MYH9: variants seen among roughly 807,000 people sequenced by gnomAD.
The protein encoded by MYH9 is myosin heavy chain 9.
In MYH9, 29 loss-of-function variants were observed where a neutral mutation model predicts 241.9. That is an observed-to-expected ratio of 0.12 (90% CI 0.09 to 0.16). The LOEUF (loss-of-function observed/expected upper bound fraction) is 0.16. Among genes scored for constraint, MYH9 ranks in the 10% least tolerant of loss-of-function variants. The pLI, the probability that MYH9 is intolerant of heterozygous loss-of-function variation, is 1.00. For synonymous variants in MYH9, 1,047 were observed against 1,062.6 expected (o/e 0.99, Z 0.29); for missense variants, 1,803 against 2,595.5 (o/e 0.69, Z 6.63).
At chr22:36,385,621 T>C (rs80098879) in intron 1 of MYH9, among the ~76,000 whole-genome samples, 8,135 of 152,106 alleles carry the variant, frequency 0.053, 233 homozygotes, top group East Asian at 0.1. Flanking sequence ...CTCCTGAACC[T>C]TTCAGATGAA....
chr22:36,331,586 G>C (rs1603483673), intron 3 of MYH9, among the ~76,000 whole-genome samples: 1 of 152,216 alleles, frequency 6.6e-6, no homozygotes, highest in East Asian at 1.9e-4. Flanking sequence ...TCCTCTGTGA[G>C]AGGAGCTGCA....
intron 32 of MYH9, 46 bp downstream of exon 32, chr22:36,289,039 C>G: frequency 6.2e-7 from 1 of 1,613,436 alleles, no homozygotes; most frequent in Non-Finnish European, 8.5e-7. Flanking sequence ...TGTGATGACC[C>G]CACTCGGGCC....
At chr22:36,319,772 GC>G in intron 9 of MYH9, 137 bp from the exon 10 acceptor site, 1 of 874,326 alleles carries the variant, frequency 1.1e-6, no homozygotes, top group Admixed American at 2.0e-5. Context: ...GGCCACAGGG[GC>G]GCCAGGTCTG....
rs1012215155 is a variant in MYH9 at position 36,304,233 on chromosome 22, G to A, written c.2230-78C>T. The A allele has an allele frequency of 8.8e-6, 13 of 1,470,218 alleles. No individual in the cohort carries two copies. The African/African-American group carries it at 1.4e-4, about 16-fold the overall frequency. 91.1% of individuals were successfully genotyped at this position (1,470,218 alleles called of 1,614,324 possible). Reference sequence around the variant, plus strand: ...TGAAAGGGTGGCCCAGGCACAGCTGGAGGTGTGCCCTTCACCCTTCTTCTC... The same window carrying A: ...TGAAAGGGTGGCCCAGGCACAGCTGAAGGTGTGCCCTTCACCCTTCTTCTC... On this transcript the variant is annotated intron_variant, in intron 18 of 40. Transcript: ENST00000216181.
rs2016966500 is a variant in MYH9, at chr22:36,306,166, C to G, written c.2038-115G>C. 6.5e-7 allele frequency: 1 copy of G among 1,535,392 alleles called. No homozygotes were observed. Among genetic ancestry groups the G allele is most frequent in the Non-Finnish European group, 8.9e-7 (1 of 1,124,172 alleles). On this transcript the variant is annotated intron_variant, in intron 16 of 40. Transcript: ENST00000216181. The surrounding 1 kb of genome is among the most constrained non-coding windows in gnomAD (Gnocchi z 4.1). ...AAGAGCCTAAGGGAGGGGGTCGCTA[C>G]AGCCCACAGGTTTGGACAATGAAGT...
chr22:36,340,910 G>A (rs541319030), intron 3 of MYH9, among the ~76,000 whole-genome samples: 1 of 152,144 alleles, frequency 6.6e-6, no homozygotes, highest in Non-Finnish European at 1.5e-5. Context: ...AACAGAAGGG[G>A]CACAGAAGCC....
chr22:36,316,607 C>G lies in MYH9; in HGVS notation c.1290G>C (p.Val430=), dbSNP rs1205205702. Reference sequence around the variant, plus strand: ...TGTCCAGAGCCTTGTTGATGCGCAGCACCAGCCAGCGGAACATCCGCTCAT... The same window carrying G: ...TGTCCAGAGCCTTGTTGATGCGCAGGACCAGCCAGCGGAACATCCGCTCAT... The part of the protein sequence containing the change: ...ATYERMFRWL[V]LRINKALDKT... Residue 430 remains valine (V), a synonymous_variant, in exon 12 of 41, where the codon GTG becomes GTC. Coordinates refer to ENST00000216181, the MANE Select transcript of MYH9 (RefSeq NM_002473.6). 5 of 1,614,082 alleles carry G rather than the reference C, an allele frequency of 3.1e-6. No individual in the cohort carries two copies. Among genetic ancestry groups the G allele is most frequent in the Non-Finnish European group, 4.2e-6 (5 of 1,180,030 alleles).
chr22:36,295,052 G>T lies in MYH9; in HGVS notation c.3510C>A (p.Asn1170Lys). 1 of 1,614,204 alleles carries T rather than the reference G, an allele frequency of 6.2e-7. No individual in the cohort carries two copies. The highest frequency in any genetic ancestry group is 8.5e-7 in the Non-Finnish European group (1 of 1,180,042). ...CCTCCTCCAGGGTCTTCTTCAGGAT[G>T]TTCACCTCCTGCTCACGTTTTGACC... ...ELRSKREQEVNILKKTLEEEA... is the reference protein window; with the variant it reads ...ELRSKREQEVKILKKTLEEEA... Residue 1170 changes from asparagine to lysine, a missense_variant, in exon 27 of 41, where the codon AAC becomes AAA. By Grantham distance (94) the Asn-to-Lys change is moderately conservative (BLOSUM62 0). Coordinates refer to ENST00000216181, the MANE Select transcript of MYH9 (RefSeq NM_002473.6). This position sits in a 1 kb window ranked among gnomAD's most constrained non-coding sequence, Gnocchi z 4.1.
At position 36,293,304 on chromosome 22, in the gene MYH9, C is replaced by G; in HGVS notation, c.4095+25G>C. On this transcript the variant is annotated intron_variant, in intron 30 of 40. Coordinates refer to ENST00000216181, the MANE Select transcript of MYH9 (RefSeq NM_002473.6). This position sits in a 1 kb window ranked among gnomAD's most constrained non-coding sequence, Gnocchi z 5.1. ...CAGCAGCTCCCCAGCCTGCAGAGTCCGGCCGGTCCCCCAGGCCTCCAAACC... is the reference window on the plus strand; with the variant it reads ...CAGCAGCTCCCCAGCCTGCAGAGTCGGGCCGGTCCCCCAGGCCTCCAAACC... 6.2e-7 allele frequency: 1 copy of G among 1,613,532 alleles called. No individual in the cohort carries two copies. Among genetic ancestry groups the G allele is most frequent in the South Asian group, 1.1e-5 (1 of 91,072 alleles).
chr22:36,357,561 AT>A (rs2017875545), intron 1 of MYH9, among the ~76,000 whole-genome samples: 1 of 152,096 alleles, frequency 6.6e-6, no homozygotes, highest in South Asian at 2.1e-4. Context: ...AAAGGTGGAA[AT>A]TGGGGGTTGC....
chr22:36,297,193 C>T (rs1173820165), intron 24 of MYH9, 179 bp from the exon 25 acceptor site: 2 of 682,406 alleles, frequency 2.9e-6, no homozygotes, highest in African/African-American at 1.8e-5. Flanking sequence ...CTGCAAACTG[C>T]TAGCCCCTGG....
At chr22:36,290,826 C>T (rs1349577719) in intron 31 of MYH9, among the ~76,000 whole-genome samples, 1 of 151,874 alleles carries the variant, frequency 6.6e-6, no homozygotes, top group Non-Finnish European at 1.5e-5. Context: ...AGGAGTGCCT[C>T]TGCCCAGTGG....
At chr22:36,302,512 G>T in intron 20 of MYH9, 56 bp downstream of exon 20, 1 of 1,386,828 alleles carries the variant, frequency 7.2e-7, no homozygotes, top group Non-Finnish European at 1.0e-6. Flanking sequence ...AGCCAGGTAT[G>T]TATGGTGGTG....
chr22:36,301,114 C>T (rs2016870502), intron 21 of MYH9, 57 bp from the exon 22 acceptor site: 1 of 1,542,248 alleles, frequency 6.5e-7, no homozygotes. Flanking sequence ...GCCACTCCAT[C>T]CTCAAGGACG....
chr22:36,294,388 G>A (rs559311120), intron 27 of MYH9, 90 bp from the exon 28 acceptor site: 234 of 1,403,250 alleles, frequency 1.7e-4, no homozygotes, highest in Non-Finnish European at 2.2e-4. Context: ...TCCAGACATC[G>A]CTGCTTCTGC....
At chr22:36,314,884 A>C (rs1014303934) in intron 12 of MYH9, among the ~76,000 whole-genome samples, 1 of 152,158 alleles carries the variant, frequency 6.6e-6, no homozygotes, top group South Asian at 2.1e-4. Context: ...CCTGAGCTCA[A>C]GCAATTCTTC....
chr22:36,321,687 GCTT>G, intron 7 of MYH9, 68 bp downstream of exon 7: 1 of 1,396,596 alleles, frequency 7.2e-7, no homozygotes. Flanking sequence ...TCAGGAGGCA[GCTT>G]CTTCTCTACA....
chr22:36,286,738 C>G lies in MYH9; in HGVS notation c.5041G>C (p.Glu1681Gln). The G allele has an allele frequency of 1.2e-6, 2 of 1,613,048 alleles. No individual in the cohort carries two copies. The highest frequency in any genetic ancestry group is 2.2e-5 in the East Asian group (1 of 44,880). The change falls in exon 35 of 41, where the codon GAG becomes CAG. Residue 1681 changes from glutamate (E) to glutamine (Q), a missense_variant. By Grantham distance (29) the Glu-to-Gln change is conservative. This residue lies in a region of MYH9 where 876 missense variants were observed against 1,077.8 expected (regional missense o/e 0.81). Transcript: ENST00000216181. The stretch of plus-strand genomic sequence containing the variant: ...CCCACCTCCTGCAACTGGATCATCT[C>G]GGCCTCCATGCTCTTCAGCTTCTTC... ...NEKKLKSMEA[E>Q]MIQLQEELAA...
chr22:36,301,321 G>A (rs758106028), intron 21 of MYH9, among the ~76,000 whole-genome samples: 1 of 152,160 alleles, frequency 6.6e-6, no homozygotes, highest in African/African-American at 2.4e-5. Flanking sequence ...CAACACTTGT[G>A]AACGTTCCAC....
Sources: gnomAD v4.1 joint callset for allele counts (sites outside exome capture counted in the v4.1 genomes callset) on GRCh38, gnomAD v4.1.1 for gene constraint, gnomAD v4.1.1 regional missense constraint, Gnocchi (gnomAD v3.1) non-coding constraint, MANE v1.5 for transcripts, NCBI Gene and HGNC (gene_info 2026-07-23, HGNC 2026-07-21) for gene names.